Variants in WDR11 observed in about 807,000 individuals in gnomAD.
WDR11 encodes the protein WD repeat-containing protein 11.
A neutral mutation model predicts 151.2 loss-of-function variants in WDR11; 83 were observed. The observed-to-expected ratio is 0.55, with a 90% CI of 0.46 to 0.66. WDR11 has a LOEUF of 0.66. WDR11 is among the 30% of genes least tolerant of loss of function. WDR11 has a pLI of 0.00. For synonymous variants in WDR11, 484 were observed against 533.1 expected, an observed-to-expected ratio of 0.91 and a Z score of 1.27; for missense variants, 1,301 against 1,480.9, an observed-to-expected ratio of 0.88 and a Z score of 1.99.
chr10:120,897,222 A>G (rs1187884220), intron 19 of WDR11, among the ~76,000 whole-genome samples: 2 of 152,202 alleles, frequency 1.3e-5, no homozygotes, highest in African/African-American at 2.4e-5. Flanking sequence ...GTGGGCAAGA[A>G]GCAAAAGCTC....
At chr10:120,906,222 TTCCTACTAATA>T (rs1437430391) in intron 27 of WDR11, 2 of 1,454,720 alleles carry the variant, frequency 1.4e-6, no homozygotes, top group African/African-American at 1.4e-5. Context: ...CTATGCTAGT[TTCCTACTAATA>T]TGCTGATCAG....
intron 20 of WDR11, 143 bp downstream of exon 20, chr10:120,900,280 C>A: frequency 1.3e-6 from 1 of 770,370 alleles, no homozygotes; most frequent in Non-Finnish European, 2.2e-6. Flanking sequence ...TACAGAATTG[C>A]CAGGCTGCCT....
In WDR11 at chr10:120,908,654, G is replaced by A; in HGVS notation, c.3616G>A (p.Ala1206Thr). Reference sequence around the variant, plus strand: ...TCTCTTTGCTTCAAAAGCCGGAGCAGCTGGCAAAGACTTATTGAATGAGCT... The same window carrying A: ...TCTCTTTGCTTCAAAAGCCGGAGCAACTGGCAAAGACTTATTGAATGAGCT... ...AVLFASKAGA[A>T]GKDLLNELES... Residue 1206 changes from alanine (A) to threonine (T), a missense_variant, in exon 29 of 29, where the codon GCT becomes ACT. By Grantham distance (58) the Ala-to-Thr change is moderately conservative (BLOSUM62 0). Coordinates refer to ENST00000263461, the MANE Select transcript of WDR11 (RefSeq NM_018117.12). The A allele has an allele frequency of 6.2e-7, 1 of 1,614,220 alleles. No individual in the cohort carries two copies. Among genetic ancestry groups the A allele is most frequent in the Non-Finnish European group, 8.5e-7 (1 of 1,180,032 alleles).
At chr10:120,865,822 A>T in intron 7 of WDR11, 78 bp downstream of exon 7, 1 of 963,434 alleles carries the variant, frequency 1.0e-6, no homozygotes, top group Non-Finnish European at 1.6e-6. Context: ...AATACCAGCC[A>T]AGGTATATAG....
chr10:120,867,298 A>G, intron 9 of WDR11, 129 bp downstream of exon 9: 1 of 731,038 alleles, frequency 1.4e-6, no homozygotes, highest in Non-Finnish European at 2.4e-6. Context: ...ACATGGAATC[A>G]TTCTTTCCTA....
At chr10:120,887,276 G>A (rs1847255113) in intron 16 of WDR11, among the ~76,000 whole-genome samples, 1 of 152,184 alleles carries the variant, frequency 6.6e-6, no homozygotes, top group Admixed American at 6.5e-5. Context: ...CAGGTTGTAA[G>A]TGTAATAGTA....
intron 2 of WDR11, among the ~76,000 whole-genome samples, chr10:120,852,923 A>C (rs1845829607): frequency 6.6e-6 from 1 of 152,212 alleles, no homozygotes; most frequent in Non-Finnish European, 1.5e-5. Context: ...ATGGATATGG[A>C]GATGAAAGCC....
At chr10:120,874,190 T>TG (rs1554854854) in intron 11 of WDR11, among the ~76,000 whole-genome samples, 9,286 of 105,042 alleles carry the variant, frequency 0.088, 506 homozygotes, top group South Asian at 0.12. Flanking sequence ...TTTTTTTTTT[T>TG]TTGTTGTTGT....
At chr10:120,908,504 AAG>A (rs1848157060) in intron 28 of WDR11, 50 bp from the exon 29 acceptor site, 2 of 1,596,700 alleles carry the variant, frequency 1.3e-6, no homozygotes, top group East Asian at 2.2e-5. Context: ...GGAGCCTGTG[AAG>A]AGTCTCATCA....
chr10:120,878,539 C>G, intron 12 of WDR11, 80 bp downstream of exon 12: 1 of 1,184,258 alleles, frequency 8.4e-7, no homozygotes, highest in Non-Finnish European at 1.2e-6. Flanking sequence ...GAAAGTACTT[C>G]TTTCACCTTG....
Position 120,908,945 on chromosome 10 carries a change from C to CATA in WDR11, c.*236_*238dup. The CATA allele has an allele frequency of 1.8e-6, 1 of 556,860 alleles. No homozygotes were observed. Among genetic ancestry groups the CATA allele is most frequent in the Non-Finnish European group, 3.2e-6 (1 of 311,750 alleles). The allele number at this position is 556,860 out of a possible 1,614,324, so 34.5% of individuals were successfully genotyped here. ...GTGAATGCTTAAGATTTTGAAAGTA[C>CATA]ATAATATTTTATACTTTGGGAGAGA... On this transcript the variant is annotated 3_prime_UTR_variant, in exon 29 of 29. Coordinates refer to ENST00000263461, the MANE Select transcript of WDR11 (RefSeq NM_018117.12).
Position 120,908,627 on chromosome 10 carries a change from G to C in WDR11, c.3589G>C (p.Val1197Leu), listed in dbSNP as rs1848161641. Residue 1197 changes from valine (V) to leucine (L), a missense_variant, in exon 29 of 29, where the codon GTT (valine) becomes CTT (leucine). Physicochemically the swap from Val to Leu is conservative, Grantham distance 32. Around this residue, in one of 3 missense-constraint regions of WDR11, gnomAD observed 589 missense variants for 670.6 expected, o/e 0.88. Transcript: ENST00000263461. ...GAACCTCGGTTTTAAGCAGGGAGCA[G>C]TTCTCTTTGCTTCAAAAGCCGGAGC... ...LKNLGFKQGAVLFASKAGAAG... is the reference protein window; with the variant it reads ...LKNLGFKQGALLFASKAGAAG... 1 of 1,614,082 alleles carries C rather than the reference G, an allele frequency of 6.2e-7. No individual in the cohort carries two copies.
chr10:120,908,086 AAAAT>A (rs1374144639), intron 28 of WDR11: 3 of 184,546 alleles, frequency 1.6e-5, no homozygotes, highest in Non-Finnish European at 3.5e-5. Context: ...TAAAAAAATA[AAAAT>A]AAATAAAAAA....
At chr10:120,892,658 C>A (rs576084565) in intron 19 of WDR11, among the ~76,000 whole-genome samples, 1 of 152,142 alleles carries the variant, frequency 6.6e-6, no homozygotes, top group Non-Finnish European at 1.5e-5. Context: ...CTTCAATTCT[C>A]CTTGAAAACA....
intron 10 of WDR11, among the ~76,000 whole-genome samples, chr10:120,872,949 T>G (rs1846600613): frequency 6.6e-6 from 1 of 152,158 alleles, no homozygotes; most frequent in Non-Finnish European, 1.5e-5. Flanking sequence ...AATCTTTAAA[T>G]CATGTGCAGT....
intron 9 of WDR11, among the ~76,000 whole-genome samples, chr10:120,868,311 A>G (rs1271902911): frequency 6.6e-6 from 1 of 152,062 alleles, no homozygotes; most frequent in Non-Finnish European, 1.5e-5. Context: ...AGAATTAGCC[A>G]GGTGCAGTGG....
intron 16 of WDR11, among the ~76,000 whole-genome samples, chr10:120,887,201 C>T (rs947888535): frequency 5.3e-5 from 8 of 152,082 alleles, no homozygotes; most frequent in Non-Finnish European, 7.4e-5. Context: ...TGTCTTCTTT[C>T]CATTTCAGGC....
chr10:120,877,297 T>C (rs1846829021), intron 11 of WDR11, among the ~76,000 whole-genome samples: 1 of 152,204 alleles, frequency 6.6e-6, no homozygotes, highest in East Asian at 1.9e-4. Flanking sequence ...CATACAAAGA[T>C]ACTCCATTTT....
In WDR11 at chr10:120,886,200, G is replaced by A. The variant is rs7903735; in HGVS notation, c.1973+262G>A. Among the ~76,000 whole-genome samples, 9,361 of 152,004 alleles carry A rather than the reference G, an allele frequency of 0.062. 971 individuals carry two copies. The highest frequency in any genetic ancestry group is 0.21 in the African/African-American group (8,831 of 41,432). ...ATCTAGTAGTAAATGTGCTCATTCC[G>A]AGTGCCCTTCTACTCCATACACTTC... On this transcript the variant is annotated intron_variant, in intron 15 of 28. Transcript: ENST00000263461.
Sources: allele counts gnomAD v4.1 joint callset (sites outside exome capture counted in the v4.1 genomes callset), GRCh38; gene constraint gnomAD v4.1.1; regional missense constraint gnomAD v4.1.1; transcripts MANE v1.5; gene names NCBI Gene and HGNC (gene_info 2026-07-23, HGNC 2026-07-21).